The following ITFG2 variants were observed in gnomAD, a reference collection of about 807,000 sequenced individuals.
ITFG2 encodes the protein KICSTOR complex protein ITFG2.
Under a neutral mutation model 54.4 loss-of-function variants are expected in ITFG2, and 36 were observed. The ratio of observed to expected loss-of-function variants is 0.66; its 90% confidence interval spans 0.51 to 0.87. The LOEUF (loss-of-function observed/expected upper bound fraction) is 0.87. ITFG2 is among the 40% of genes least tolerant of loss of function. ITFG2 has a pLI of 0.00. For synonymous variants in ITFG2, 211 were observed against 225.4 expected (o/e 0.94, Z 0.57); for missense variants, 524 against 576.7 (o/e 0.91, Z 0.94).
At chr12:2,831,608 A>C (rs1168855667), downstream of ITFG2, among the ~76,000 whole-genome samples, 2 of 151,486 alleles carry the variant, frequency 1.3e-5, no homozygotes, top group Admixed American at 6.6e-5. Flanking sequence ...AACAAAAAAA[A>C]CTCTTAAGAA....
intron 1 of ITFG2, among the ~76,000 whole-genome samples, chr12:2,816,100 G>A (rs1251162042): frequency 2.0e-5 from 3 of 149,166 alleles, no homozygotes; most frequent in African/African-American, 5.0e-5. Flanking sequence ...GCACGATCTC[G>A]GCTCACTGCA....
upstream of ITFG2, among the ~76,000 whole-genome samples, chr12:2,836,234 C>T (rs1055976637): frequency 2.0e-5 from 3 of 152,236 alleles, no homozygotes; most frequent in Non-Finnish European, 4.4e-5. Flanking sequence ...CAGCTGCACA[C>T]AGGGGCTCCT....
intron 1 of ITFG2, among the ~76,000 whole-genome samples, chr12:2,813,250 G>C (rs1310057674): frequency 2.0e-5 from 3 of 152,210 alleles, no homozygotes; most frequent in African/African-American, 7.2e-5. Context: ...TTGGCCCAAA[G>C]TGCTGGGACT....
chr12:2,856,748 G>T (rs1393943203), intron 2 of ITFG2, among the ~76,000 whole-genome samples: 1 of 152,202 alleles, frequency 6.6e-6, no homozygotes, highest in East Asian at 1.9e-4. Flanking sequence ...CCAGTGGGTG[G>T]GGCTGGGAGA....
chr12:2,849,033 T>C lies in ITFG2; in HGVS notation n.300+8038T>C, dbSNP rs1035126873. 5 of 619,366 alleles carry C rather than the reference T, an allele frequency of 8.1e-6. No individual in the cohort carries two copies. The African/African-American group carries it at 9.3e-5, about 11-fold the overall frequency. The allele number at this position is 619,366 out of a possible 1,614,324, so 38.4% of individuals were successfully genotyped here. A position where few individuals can be genotyped will look rare whatever the true frequency, so the allele number is the denominator to read the frequency against. ...ATGAGAGTCCTCCAAGGAAGAAATA[T>C]AACAATTTAGAATTTCAGTTGAATC... On this transcript the variant is annotated intron_variant and non_coding_transcript_variant, in intron 2 of 3. Coordinates refer to the ITFG2 transcript ENST00000537710.
intron 3 of ITFG2, chr12:2,859,266 A>G (rs903578380): frequency 6.2e-7 from 1 of 1,613,746 alleles, no homozygotes. Flanking sequence ...CGGCTCATCC[A>G]CACAGGGAGG....
chr12:2,818,411 A>G, intron 4 of ITFG2, 134 bp downstream of exon 4: 2 of 1,504,856 alleles, frequency 1.3e-6, no homozygotes, highest in Admixed American at 3.9e-5. Context: ...CTCCCATGAT[A>G]AGCCAGGCAT....
At chr12:2,818,310 GAGT>G in intron 4 of ITFG2, 33 bp downstream of exon 4, 1 of 1,606,856 alleles carries the variant, frequency 6.2e-7, no homozygotes, top group Non-Finnish European at 8.5e-7. Context: ...GCAGCCAGGA[GAGT>G]AGGAGTCAGT....
intron 3 of ITFG2, chr12:2,858,997 C>T: frequency 6.2e-7 from 1 of 1,613,120 alleles, no homozygotes; most frequent in Non-Finnish European, 8.5e-7. Flanking sequence ...TCAGAGGCAC[C>T]CTGGGAGGTT....
intron 8 of ITFG2, 28 bp downstream of exon 8, chr12:2,821,624 G>C (rs756517948): frequency 1.2e-6 from 2 of 1,614,028 alleles, no homozygotes; most frequent in Admixed American, 3.3e-5. Context: ...GGGGTGTGGG[G>C]GCTGTATGCC....
chr12:2,832,514 C>T (rs116861790), upstream of ITFG2, among the ~76,000 whole-genome samples: 955 of 152,082 alleles, frequency 6.3e-3, 7 homozygotes, highest in Admixed American at 0.012. Context: ...GAGGTTGTAT[C>T]TTAAGTTTGA....
At chr12:2,852,473 C>T (rs191741020) in intron 2 of ITFG2, among the ~76,000 whole-genome samples, 1 of 152,160 alleles carries the variant, frequency 6.6e-6, no homozygotes, top group Non-Finnish European at 1.5e-5. Flanking sequence ...CTCAGACAGT[C>T]CTCCCACTTC....
chr12:2,815,120 A>G (rs1270689219), intron 1 of ITFG2, among the ~76,000 whole-genome samples: 1 of 152,178 alleles, frequency 6.6e-6, no homozygotes, highest in Non-Finnish European at 1.5e-5. Flanking sequence ...CTGGGATTAC[A>G]GGCGTGAGCC....
chr12:2,827,150 A>C, downstream of ITFG2: 1 of 1,611,784 alleles, frequency 6.2e-7, no homozygotes, highest in Non-Finnish European at 8.5e-7. This position sits in a 1 kb window ranked among gnomAD's most constrained non-coding sequence, Gnocchi z 4.0. Context: ...CCCGTTCCCC[A>C]CACGCCTCTT....
downstream of ITFG2, chr12:2,827,495 C>T (rs531700516): frequency 3.9e-5 from 60 of 1,555,668 alleles, no homozygotes; most frequent in African/African-American, 6.3e-4. This position sits in a 1 kb window ranked among gnomAD's most constrained non-coding sequence, Gnocchi z 4.0. Context: ...AGTAAGGAAC[C>T]TCTAAGGAAG....
In ITFG2 at chr12:2,820,754, C is replaced by A; in HGVS notation, c.577C>A (p.Leu193Met). The change falls in exon 6 of 12, where the codon CTG becomes ATG. Residue 193 changes from leucine to methionine, a missense_variant. Physicochemically the swap from Leu to Met is conservative, Grantham distance 15. Coordinates refer to ENST00000228799, the MANE Select transcript of ITFG2 (RefSeq NM_018463.4). Reference protein sequence around the residue: ...VDSLSVTLGPLGLPELMVSQP... With the variant: ...VDSLSVTLGPMGLPELMVSQP... ...CAGCCTCTCAGTGACTCTGGGGCCA[C>A]TGGGTCTTCCTGAACTGATGGTGTC... The A allele has an allele frequency of 6.2e-7, 1 of 1,613,990 alleles. No homozygotes were observed. Among genetic ancestry groups the A allele is most frequent in the South Asian group, 1.1e-5 (1 of 91,066 alleles).
intron 2 of ITFG2, among the ~76,000 whole-genome samples, chr12:2,841,291 T>C: frequency 6.6e-6 from 1 of 152,212 alleles, no homozygotes; most frequent in South Asian, 2.1e-4. Context: ...CTGGGTTCCC[T>C]CTGCAGAACG....
At chr12:2,855,787 T>G (rs551827886) in intron 2 of ITFG2, among the ~76,000 whole-genome samples, 2 of 152,278 alleles carry the variant, frequency 1.3e-5, no homozygotes, top group South Asian at 2.1e-4. Flanking sequence ...CTGGTGCTCC[T>G]TAGAGGGCAC....
At chr12:2,822,706 G>T in intron 9 of ITFG2, 88 bp from the exon 10 acceptor site, 1 of 1,126,222 alleles carries the variant, frequency 8.9e-7, no homozygotes, top group Non-Finnish European at 1.3e-6. Context: ...CCGAACCCAC[G>T]GGTGAAATTC....
Sources: gnomAD v4.1 joint callset for allele counts (sites outside exome capture counted in the v4.1 genomes callset) on GRCh38, gnomAD v4.1.1 for gene constraint, Gnocchi (gnomAD v3.1) non-coding constraint, MANE v1.5 for transcripts, NCBI Gene and HGNC (gene_info 2026-07-23, HGNC 2026-07-21) for gene names.